Variants in CRACR2A observed in about 807,000 individuals in gnomAD.
The protein encoded by CRACR2A is calcium release activated channel regulator 2A.
In CRACR2A, 79 loss-of-function variants were observed where a neutral mutation model predicts 90.5. The ratio of observed to expected loss-of-function variants is 0.87; its 90% CI spans 0.73 to 1.05. The LOEUF is 1.05. Among genes scored for constraint, CRACR2A ranks in the 50% least tolerant of loss-of-function variants. The pLI, the probability that CRACR2A is intolerant of heterozygous loss-of-function variation, is 0.00. For missense variants in CRACR2A, 823 were observed against 897.2 expected (o/e 0.92, Z 1.06); for synonymous variants, 338 against 356.7 (o/e 0.95, Z 0.59).
At chr12:3,646,591 C>A (rs552970503) in intron 11 of CRACR2A, among the ~76,000 whole-genome samples, 6 of 152,300 alleles carry the variant, frequency 3.9e-5, no homozygotes, top group Admixed American at 1.3e-4. Flanking sequence ...CAGGCAGGCA[C>A]ACAGCCAGGG....
intron 13 of CRACR2A, among the ~76,000 whole-genome samples, chr12:3,640,178 C>CAAGTG (rs2137370755): frequency 6.6e-6 from 1 of 152,372 alleles, no homozygotes; most frequent in East Asian, 1.9e-4. Flanking sequence ...GTTTTACCAC[C>CAAGTG]AAGTGCTCTC....
chr12:3,638,168 TG>T lies in CRACR2A; in HGVS notation c.1557del (p.Thr520HisfsTer43). The T allele has an allele frequency of 6.5e-7, 1 of 1,550,066 alleles. No individual in the cohort carries two copies. Among genetic ancestry groups the T allele is most frequent in the South Asian group, 1.2e-5 (1 of 84,036 alleles). ...IPEAPPLKLT[P>X]TSPRGQPVGK... ...CCAACAGGCTGCCCTCGGGGGGATG[TG>T]GGGGTGAGTTTCAAGGGTGGGGCCT... On this transcript the variant is annotated frameshift_variant, in exon 14 of 20. Transcript: ENST00000440314. LOFTEE classifies it high-confidence loss of function.
At chr12:3,724,831 G>A (rs1031706710) in intron 2 of CRACR2A, among the ~76,000 whole-genome samples, 1 of 152,140 alleles carries the variant, frequency 6.6e-6, no homozygotes, top group Non-Finnish European at 1.5e-5. Flanking sequence ...TCAGACATCC[G>A]ACCTCACCCT....
chr12:3,741,646 C>A (rs1432716162), intron 1 of CRACR2A, among the ~76,000 whole-genome samples: 2 of 152,138 alleles, frequency 1.3e-5, no homozygotes, highest in Non-Finnish European at 2.9e-5. Context: ...GCTCTTCCTC[C>A]CTCACACCCA....
chr12:3,667,473 GC>G (rs1173201293), intron 7 of CRACR2A, among the ~76,000 whole-genome samples: 2 of 152,182 alleles, frequency 1.3e-5, no homozygotes, highest in East Asian at 3.9e-4. Context: ...TATGGGAGGG[GC>G]TTGACTCCCA....
chr12:3,652,789 T>C (rs1188417639), intron 10 of CRACR2A, among the ~76,000 whole-genome samples: 1 of 152,164 alleles, frequency 6.6e-6, no homozygotes, highest in African/African-American at 2.4e-5. Context: ...AATAAATGAA[T>C]GAATGAAGAG....
At chr12:3,692,091 T>C (rs1210839074) in intron 4 of CRACR2A, among the ~76,000 whole-genome samples, 1 of 152,238 alleles carries the variant, frequency 6.6e-6, no homozygotes, top group Non-Finnish European at 1.5e-5. Context: ...TGGGTTTCAA[T>C]GTATGCCTGC....
Position 3,633,874 on chromosome 12 carries a change from T to A in CRACR2A, c.1603-138A>T. ...GGCCTCTAGACCTGCACCAGGAGGC[T>A]GCCACAGCCTCAGAATGCAGTGAGC... is the stretch of plus-strand genomic sequence containing the variant. On this transcript the variant is annotated intron_variant, in intron 14 of 19. Coordinates refer to ENST00000440314, the MANE Select transcript of CRACR2A (RefSeq NM_001144958.2). The surrounding 1 kb of genome is among the most constrained non-coding windows in gnomAD (Gnocchi z 4.5). 1 of 1,181,498 alleles carries A rather than the reference T, an allele frequency of 8.5e-7. No individual in the cohort carries two copies. The highest frequency in any genetic ancestry group is 1.2e-6 in the Non-Finnish European group (1 of 851,182). 73.2% of individuals were successfully genotyped at this position (1,181,498 alleles called of 1,614,324 possible).
chr12:3,681,131 G>A (rs1456837042), intron 4 of CRACR2A, among the ~76,000 whole-genome samples: 1 of 152,222 alleles, frequency 6.6e-6, no homozygotes, highest in Non-Finnish European at 1.5e-5. Flanking sequence ...GCATTTGTAA[G>A]TGTCTGTGGA....
intron 10 of CRACR2A, among the ~76,000 whole-genome samples, chr12:3,650,104 T>C (rs896589677): frequency 6.6e-6 from 1 of 152,176 alleles, no homozygotes; most frequent in Non-Finnish European, 1.5e-5. Context: ...CAGCTTTTCA[T>C]GTAGGGAGCA....
intron 2 of CRACR2A, among the ~76,000 whole-genome samples, chr12:3,717,822 T>C (rs1946102763): frequency 6.6e-6 from 1 of 152,176 alleles, no homozygotes. Flanking sequence ...ATGTGACACT[T>C]AGTCATCTTC....
chr12:3,745,952 C>T (rs1453626420), intron 1 of CRACR2A, among the ~76,000 whole-genome samples: 1 of 151,996 alleles, frequency 6.6e-6, no homozygotes, highest in East Asian at 1.9e-4. Flanking sequence ...CTCTCATCTC[C>T]CTCCCGCTGA....
At chr12:3,627,032 G>C (rs941643836) in intron 17 of CRACR2A, among the ~76,000 whole-genome samples, 5 of 152,120 alleles carry the variant, frequency 3.3e-5, no homozygotes, top group African/African-American at 1.2e-4. Flanking sequence ...CAGGGGATGG[G>C]GAGAGACGCT....
chr12:3,668,803 G>C (rs565974893), intron 7 of CRACR2A, among the ~76,000 whole-genome samples: 1 of 152,186 alleles, frequency 6.6e-6, no homozygotes, highest in African/African-American at 2.4e-5. Flanking sequence ...ACCGGAAGTG[G>C]CTCAATAGCA....
At chr12:3,643,841 A>G (rs1390171118) in intron 12 of CRACR2A, among the ~76,000 whole-genome samples, 32 of 68,324 alleles carry the variant, frequency 4.7e-4, no homozygotes, top group African/African-American at 1.6e-3. Context: ...AATATATATA[A>G]TATATATTAT....
rs1007992068 is a variant in CRACR2A at position 3,745,404 on chromosome 12, C to T, written c.-387+7611G>A. The stretch of plus-strand genomic sequence containing the variant: ...CCGTGTCCTCCTCTGGGGATGGTGG[C>T]GCTGCTGCTGTCTTGCTCACAAAAC... On this transcript the variant is annotated intron_variant, in intron 1 of 19. Transcript: ENST00000440314. 9.9e-5 allele frequency among the ~76,000 whole-genome samples: 15 copies of T among 152,260 alleles called. No homozygotes were observed. The East Asian group carries it at 1.4e-3, about 14-fold the overall frequency.
intron 7 of CRACR2A, among the ~76,000 whole-genome samples, chr12:3,668,521 C>T (rs1290136360): frequency 1.3e-5 from 2 of 152,174 alleles, no homozygotes; most frequent in Non-Finnish European, 2.9e-5. Context: ...CCCAAGGTCA[C>T]TAAGAACTCT....
chr12:3,722,710 C>T (rs778743225), intron 2 of CRACR2A, among the ~76,000 whole-genome samples: 1 of 152,214 alleles, frequency 6.6e-6, no homozygotes, highest in Non-Finnish European at 1.5e-5. Flanking sequence ...GTGCAAACAG[C>T]CCCTAACCAT....
intron 11 of CRACR2A, among the ~76,000 whole-genome samples, chr12:3,646,194 C>A (rs541839260): frequency 6.6e-6 from 1 of 152,330 alleles, no homozygotes; most frequent in Non-Finnish European, 1.5e-5. Flanking sequence ...TGGGTCGCAG[C>A]GCGACTGCAG....
Sources: allele counts gnomAD v4.1 joint callset (sites outside exome capture counted in the v4.1 genomes callset), GRCh38; gene constraint gnomAD v4.1.1; non-coding constraint Gnocchi (gnomAD v3.1); transcripts MANE v1.5; gene names NCBI Gene and HGNC (gene_info 2026-07-23, HGNC 2026-07-21).